The following FRMD4A variants were observed in gnomAD, a reference collection of about 807,000 sequenced individuals.
FRMD4A encodes the protein FERM domain-containing protein 4A.
Under a neutral mutation model 129.1 loss-of-function variants are expected in FRMD4A, and 29 were observed. The observed-to-expected ratio is 0.22, with a 90% CI of 0.17 to 0.31. FRMD4A has a LOEUF of 0.31. Among genes scored for constraint, FRMD4A ranks in the 10% least tolerant of loss-of-function variants. FRMD4A has a pLI of 1.00. For synonymous variants in FRMD4A, 634 were observed against 571.6 expected, an observed-to-expected ratio of 1.11 and a Z score of -1.56; for missense variants, 1,272 against 1,375.8, an observed-to-expected ratio of 0.92 and a Z score of 1.19.
At chr10:13,688,122 T>C (rs528354490) in intron 15 of FRMD4A, among the ~76,000 whole-genome samples, 1 of 152,134 alleles carries the variant, frequency 6.6e-6, no homozygotes, top group Admixed American at 6.6e-5. Flanking sequence ...GGTGACAGCA[T>C]AGCAAAGACT....
intron 9 of FRMD4A, among the ~76,000 whole-genome samples, chr10:13,743,793 C>T (rs2091143711): frequency 6.6e-6 from 1 of 152,120 alleles, no homozygotes; most frequent in Admixed American, 6.5e-5. Flanking sequence ...AGAACAGGCT[C>T]AATCCTGACC....
chr10:13,710,293 G>C (rs2087884185), intron 12 of FRMD4A: 2 of 152,236 alleles, frequency 1.3e-5, no homozygotes, highest in African/African-American at 4.8e-5. Flanking sequence ...TGCTCCGAGG[G>C]GTTGTTTCCC....
intron 6 of FRMD4A, among the ~76,000 whole-genome samples, chr10:13,778,598 C>CGTGTGTGTGTGT (rs150073571): frequency 3.4e-5 from 5 of 147,868 alleles, no homozygotes; most frequent in African/African-American, 1.2e-4. Flanking sequence ...ACCATTCCAA[C>CGTGTGTGTGTGT]GTGTGTGTGT....
intron 2 of FRMD4A, among the ~76,000 whole-genome samples, chr10:14,180,760 C>T (rs1841888014): frequency 6.6e-6 from 1 of 152,228 alleles, no homozygotes; most frequent in Non-Finnish European, 1.5e-5. Flanking sequence ...ATTTCAAGTT[C>T]TTCCAATGCT....
At chr10:14,216,547 A>C (rs1337915660) in intron 2 of FRMD4A, among the ~76,000 whole-genome samples, 1 of 152,138 alleles carries the variant, frequency 6.6e-6, no homozygotes. Context: ...AAAGTAGAAG[A>C]GATTTGATTT....
At chr10:14,261,502 G>GC (rs1264823647) in intron 2 of FRMD4A, among the ~76,000 whole-genome samples, 3 of 152,152 alleles carry the variant, frequency 2.0e-5, no homozygotes, top group Non-Finnish European at 4.4e-5. Context: ...AATTAAAGCT[G>GC]CCACTTCTGT....
At chr10:14,109,673 G>C (rs566009253) in intron 2 of FRMD4A, among the ~76,000 whole-genome samples, 16 of 152,106 alleles carry the variant, frequency 1.1e-4, no homozygotes, top group Non-Finnish European at 2.1e-4. Context: ...ATTATTTCCA[G>C]TTCTTAAAAA....
At chr10:14,180,211 T>C (rs1841867492) in intron 2 of FRMD4A, among the ~76,000 whole-genome samples, 1 of 152,224 alleles carries the variant, frequency 6.6e-6, no homozygotes, top group African/African-American at 2.4e-5. Context: ...CTAGATACTC[T>C]TCAGTGTCAT....
chr10:13,749,477 C>T (rs1006309291), intron 8 of FRMD4A, among the ~76,000 whole-genome samples: 5 of 152,170 alleles, frequency 3.3e-5, no homozygotes, highest in Non-Finnish European at 7.3e-5. Context: ...ACTCCAGCAC[C>T]TATGCTGCTA....
chr10:13,862,057 A>T (rs989928947), intron 2 of FRMD4A, among the ~76,000 whole-genome samples: 2 of 152,200 alleles, frequency 1.3e-5, no homozygotes, highest in Admixed American at 6.5e-5. Flanking sequence ...AAGTTTTAAG[A>T]AGGAAAATGG....
intron 3 of FRMD4A, among the ~76,000 whole-genome samples, chr10:13,856,191 G>A (rs1286548164): frequency 6.6e-6 from 1 of 151,240 alleles, no homozygotes; most frequent in African/African-American, 2.4e-5. Flanking sequence ...TAGATAGTGT[G>A]TGTATCTATA....
chr10:13,793,894 T>C (rs889524254), intron 5 of FRMD4A, among the ~76,000 whole-genome samples: 1 of 152,092 alleles, frequency 6.6e-6, no homozygotes, highest in African/African-American at 2.4e-5. Flanking sequence ...CCTCCTCTCT[T>C]AGAGAAAACA....
chr10:14,060,726 C>T (rs1488566501), intron 2 of FRMD4A, among the ~76,000 whole-genome samples: 1 of 152,106 alleles, frequency 6.6e-6, no homozygotes, highest in Non-Finnish European at 1.5e-5. Flanking sequence ...GCAACATTCT[C>T]CAATTAATGG....
chr10:14,202,092 C>T lies in FRMD4A; in HGVS notation c.45+127966G>A, dbSNP rs143213006. On this transcript the variant is annotated intron_variant, in intron 2 of 24. Transcript: ENST00000357447. ...GGGGGAGGTTGCAGTGAGCTGAGAT[C>T]GTGCCATTGTACTCCAACCTGGGCC... 2.4e-4 allele frequency among the ~76,000 whole-genome samples: 37 copies of T among 151,522 alleles called. No individual in the cohort carries two copies. In the East Asian group the frequency reaches 5.8e-3, roughly 24 times the overall value.
At chr10:13,740,671 G>A in intron 9 of FRMD4A, 94 bp from the exon 10 acceptor site, 2 of 705,556 alleles carry the variant, frequency 2.8e-6, no homozygotes. Flanking sequence ...CATCTCATAA[G>A]AAGCTCCAAG....
chr10:13,943,675 A>AAAAAAAAAAAAG, intron 2 of FRMD4A, among the ~76,000 whole-genome samples: 1 of 123,730 alleles, frequency 8.1e-6, no homozygotes, highest in Non-Finnish European at 1.8e-5. Flanking sequence ...AAAAAAAAAA[A>AAAAAAAAAAAAG]AAAAGAAAAA....
intron 2 of FRMD4A, among the ~76,000 whole-genome samples, chr10:13,913,706 GATGGGGTATCCTTAGTAA>G (rs1429880889): frequency 9.2e-5 from 14 of 152,134 alleles, no homozygotes; most frequent in Admixed American, 8.5e-4. Context: ...AGTACTAGTA[GATGGGGTATCCTTAGTAA>G]ATGGGGTATC....
chr10:13,703,586 G>A (rs562442205), intron 13 of FRMD4A, among the ~76,000 whole-genome samples: 1 of 152,292 alleles, frequency 6.6e-6, no homozygotes, highest in South Asian at 2.1e-4. Context: ...TTCCTGGCTT[G>A]GGGGAGGGGC....
intron 2 of FRMD4A, among the ~76,000 whole-genome samples, chr10:13,941,469 A>G (rs991825934): frequency 1.3e-5 from 2 of 152,234 alleles, no homozygotes; most frequent in South Asian, 2.1e-4. Flanking sequence ...ATGCAAAGCC[A>G]AACATATAAC....
Sources: gnomAD v4.1 joint callset for allele counts (sites outside exome capture counted in the v4.1 genomes callset) on GRCh38, gnomAD v4.1.1 for gene constraint, MANE v1.5 for transcripts, NCBI Gene and HGNC (gene_info 2026-07-23, HGNC 2026-07-21) for gene names.